Variants in PLXNC1 observed in about 807,000 individuals in gnomAD.
PLXNC1 encodes the protein plexin-C1.
In PLXNC1, 75 loss-of-function variants were observed where a neutral mutation model predicts 178.2. That is an observed-to-expected ratio of 0.42 (90% CI 0.35 to 0.51). The LOEUF is 0.51. Among genes scored for constraint, PLXNC1 ranks in the 20% least tolerant of loss-of-function variants. The probability of loss-of-function intolerance (pLI) is 0.02; values close to 1 mark genes in which losing one functional copy is unlikely to be tolerated. For missense variants in PLXNC1, 1,503 were observed against 1,984.4 expected (o/e 0.76, Z 4.61); for synonymous variants, 790 against 779.9 (o/e 1.01, Z -0.22).
At chr12:94,231,694 A>G (rs1192709358) in intron 9 of PLXNC1, among the ~76,000 whole-genome samples, 1 of 152,170 alleles carries the variant, frequency 6.6e-6, no homozygotes. Context: ...AAATGAGCTC[A>G]AAAATCTATG....
intron 8 of PLXNC1, 119 bp downstream of exon 8, chr12:94,226,826 C>T (rs1963953699): frequency 1.4e-6 from 1 of 719,240 alleles, no homozygotes. Flanking sequence ...GAGTTCGAGA[C>T]CAGCCTGACC....
At position 94,197,322 on chromosome 12, in the gene PLXNC1, G is replaced by A. The variant is rs945991191; in HGVS notation, c.1439+10849G>A. Among the ~76,000 whole-genome samples, 4 of 152,174 alleles carry A rather than the reference G, an allele frequency of 2.6e-5. No homozygotes were observed. In the East Asian group the frequency reaches 7.7e-4, roughly 29 times the overall value. Reference sequence around the variant, plus strand: ...CTTTCGGACGTGATTAGGTCATGAGGACTCTGTCCTCATGAATGGATTAAT... The same window carrying A: ...CTTTCGGACGTGATTAGGTCATGAGAACTCTGTCCTCATGAATGGATTAAT... On this transcript the variant is annotated intron_variant, in intron 4 of 30. Transcript: ENST00000258526.
intron 6 of PLXNC1, among the ~76,000 whole-genome samples, chr12:94,222,247 G>A (rs758960174): frequency 1.3e-3 from 193 of 152,194 alleles, no homozygotes; most frequent in African/African-American, 3.9e-3. Context: ...GCCTCCATCC[G>A]TTGCACCCAA....
At chr12:94,217,602 T>G (rs918640875) in intron 5 of PLXNC1, among the ~76,000 whole-genome samples, 1 of 152,170 alleles carries the variant, frequency 6.6e-6, no homozygotes, top group South Asian at 2.1e-4. Flanking sequence ...CATCTCCATG[T>G]ATGGTACCTC....
At chr12:94,281,412 T>C (rs1966430567) in intron 22 of PLXNC1, among the ~76,000 whole-genome samples, 1 of 152,192 alleles carries the variant, frequency 6.6e-6, no homozygotes, top group Admixed American at 6.5e-5. Context: ...GTCAGCCGCC[T>C]GGGACTACAG....
chr12:94,212,090 C>T (rs962387999), intron 5 of PLXNC1, among the ~76,000 whole-genome samples: 3 of 151,472 alleles, frequency 2.0e-5, no homozygotes, highest in African/African-American at 4.9e-5. Context: ...CCGGCTAAAA[C>T]GGTGAAACCC....
Position 94,306,518 on chromosome 12 carries a change from A to C in PLXNC1, c.*1233A>C, listed in dbSNP as rs1969035235. 6.6e-6 allele frequency: 1 copy of C among 152,150 alleles called. No homozygotes were observed. 9.4% of individuals were successfully genotyped at this position (152,150 alleles called of 1,614,324 possible). A position where few individuals can be genotyped will look rare whatever the true frequency, so the allele number is the denominator to read the frequency against. On this transcript the variant is annotated 3_prime_UTR_variant, in exon 31 of 31. Transcript: ENST00000258526. Reference sequence around the variant, plus strand: ...GCTGCTCATGACCAGTTTTAATACCACTGTGTTTTCCTTCTATTAAACCAG... The same window carrying C: ...GCTGCTCATGACCAGTTTTAATACCCCTGTGTTTTCCTTCTATTAAACCAG...
At chr12:94,284,790 C>T (rs1966726253) in intron 23 of PLXNC1, among the ~76,000 whole-genome samples, 1 of 152,062 alleles carries the variant, frequency 6.6e-6, no homozygotes, top group African/African-American at 2.4e-5. Context: ...AGATGCAGAT[C>T]ACACAGATGG....
chr12:94,149,079 C>G lies in PLXNC1; in HGVS notation c.108C>G (p.Asp36Glu). 6.4e-7 allele frequency: 1 copy of G among 1,568,870 alleles called. No homozygotes were observed. The highest frequency in any genetic ancestry group is 8.6e-7 in the Non-Finnish European group (1 of 1,165,444). Reference protein sequence around the residue: ...LALAAPGRGADEPVWRSEQAI... With the variant: ...LALAAPGRGAEEPVWRSEQAI... ...TGGCGGCTCCCGGCCGGGGCGCGGA[C>G]GAGCCCGTGTGGCGGTCGGAGCAAG... Residue 36 changes from aspartate (D) to glutamate (E), a missense_variant, in exon 1 of 31, where the codon GAC becomes GAG. Asp to Glu is a conservative substitution (Grantham distance 45, BLOSUM62 2). Around this residue, in one of 4 missense-constraint regions of PLXNC1, gnomAD observed 176 missense variants for 180.7 expected, o/e 0.97. Transcript: ENST00000258526.
At position 94,254,723 on chromosome 12, in the gene PLXNC1, A is replaced by T. The variant is rs765279835; in HGVS notation, c.2882-64A>T. 3.5e-6 allele frequency: 4 copies of T among 1,131,268 alleles called. No homozygotes were observed. The African/African-American group carries it at 6.2e-5, about 18-fold the overall frequency. The allele number at this position is 1,131,268 out of a possible 1,614,324, so 70.1% of individuals were successfully genotyped here. Reference sequence around the variant, plus strand: ...GTTTTTAAGAACTGTAAAGATTGCTATTTGTTTTCATTTTTGGTTTTTGAG... The same window carrying T: ...GTTTTTAAGAACTGTAAAGATTGCTTTTTGTTTTCATTTTTGGTTTTTGAG... On this transcript the variant is annotated intron_variant, in intron 15 of 30. Transcript: ENST00000258526.
At chr12:94,284,053 A>G (rs1966653064) in intron 23 of PLXNC1, among the ~76,000 whole-genome samples, 1 of 148,724 alleles carries the variant, frequency 6.7e-6, no homozygotes, top group South Asian at 2.1e-4. Context: ...ATGGCACTCC[A>G]GCCTGTGCGA....
At chr12:94,265,636 G>A (rs966353887) in intron 21 of PLXNC1, among the ~76,000 whole-genome samples, 2 of 152,202 alleles carry the variant, frequency 1.3e-5, no homozygotes, top group East Asian at 1.9e-4. Flanking sequence ...ATTTTAGAAT[G>A]ATAACACAAG....
At chr12:94,219,285 T>C (rs1441885629) in intron 5 of PLXNC1, among the ~76,000 whole-genome samples, 1 of 152,156 alleles carries the variant, frequency 6.6e-6, no homozygotes, top group African/African-American at 2.4e-5. Context: ...TCCAGATAAA[T>C]GGAAATTTAA....
rs527941397 is a variant in PLXNC1, at chr12:94,268,612, T to A, written c.3597+3387T>A. ...CCTTTTTTTTTTTTTTTTTTTTTTT[T>A]AATTTAAGGAATACCACTCTAGTGC... is the stretch of plus-strand genomic sequence containing the variant. On this transcript the variant is annotated intron_variant, in intron 21 of 30. Transcript: ENST00000258526. 8.6e-3 allele frequency among the ~76,000 whole-genome samples: 1,123 copies of A among 130,628 alleles called. 12 individuals are homozygous for A. The highest frequency in any genetic ancestry group is 0.03 in the African/African-American group (982 of 33,220). 85.7% of individuals were successfully genotyped at this position (130,628 alleles called of 152,430 possible). A position where few individuals can be genotyped will look rare whatever the true frequency, so the allele number is the denominator to read the frequency against.
intron 21 of PLXNC1, among the ~76,000 whole-genome samples, chr12:94,269,619 C>T (rs559709706): frequency 2.6e-5 from 4 of 152,316 alleles, no homozygotes; most frequent in African/African-American, 9.6e-5. Context: ...TTAAGTCATT[C>T]TCTGTTACTT....
At position 94,298,748 on chromosome 12, in the gene PLXNC1, C is replaced by T. The variant is rs778479961; in HGVS notation, c.4191C>T (p.Asn1397=). ...ACTTTTTGGACGCCCAGGCTGAAAACAAAAAAATCACAGATCCTGACGTCG... is the reference window on the plus strand; with the variant it reads ...ACTTTTTGGACGCCCAGGCTGAAAATAAAAAAATCACAGATCCTGACGTCG... ...FFDFLDAQAE[N]KKITDPDVVH... is the part of the protein sequence containing the mutation. Residue 1397 remains asparagine, a synonymous_variant, in exon 27 of 31, where the codon AAC becomes AAT. Transcript: ENST00000258526. 3 of 1,611,594 alleles carry T rather than the reference C, an allele frequency of 1.9e-6. No homozygotes were observed. The highest frequency in any genetic ancestry group is 2.7e-5 in the African/African-American group (2 of 74,672).
intron 14 of PLXNC1, among the ~76,000 whole-genome samples, chr12:94,249,871 A>G (rs1964628081): frequency 6.8e-6 from 1 of 146,002 alleles, no homozygotes; most frequent in African/African-American, 2.5e-5. Context: ...AGCGTGAAGA[A>G]TATAAATAAA....
chr12:94,244,545 G>A (rs772133507), intron 12 of PLXNC1, among the ~76,000 whole-genome samples: 7 of 152,138 alleles, frequency 4.6e-5, no homozygotes, highest in Admixed American at 1.3e-4. Context: ...CTCCCCACAG[G>A]AGAAATGGTA....
At chr12:94,274,155 TAAAAAAAAAAAAAAAAA>T (rs3060881) in intron 21 of PLXNC1, among the ~76,000 whole-genome samples, 6 of 45,376 alleles carry the variant, frequency 1.3e-4, no homozygotes, top group African/African-American at 4.7e-4. Flanking sequence ...ACCCTGTCTC[TAAAAAAAAAAAAAAAAA>T]AAAAAAAAAA....
Sources: allele counts gnomAD v4.1 joint callset (sites outside exome capture counted in the v4.1 genomes callset), GRCh38; gene constraint gnomAD v4.1.1; regional missense constraint gnomAD v4.1.1; transcripts MANE v1.5; gene names NCBI Gene and HGNC (gene_info 2026-07-23, HGNC 2026-07-21).